TTLL1: variants seen among roughly 807,000 people sequenced by gnomAD.
TTLL1 encodes polyglutamylase complex subunit TTLL1.
A neutral mutation model predicts 47.8 loss-of-function variants in TTLL1; 33 were observed. The observed-to-expected ratio is 0.69, with a 90% confidence interval of 0.52 to 0.92. The LOEUF is 0.92. Ranked by LOEUF, TTLL1 falls within the 40% of genes least tolerant of loss-of-function variation. The pLI is 0.00. For synonymous variants in TTLL1, 225 were observed against 214.1 expected, an observed-to-expected ratio of 1.05 and a Z score of -0.45; for missense variants, 488 against 547.5, an observed-to-expected ratio of 0.89 and a Z score of 1.08.
chr22:43,084,962 C>CTTTTTTT lies in TTLL1; in HGVS notation c.-90+4308_-90+4314dup, dbSNP rs148980685. Among the ~76,000 whole-genome samples the CTTTTTTT allele has an allele frequency of 1.1e-3, 128 of 112,736 alleles. 4 individuals carry two copies. The South Asian group carries it at 0.019, about 17-fold the overall frequency. 74.0% of individuals were successfully genotyped at this position (112,736 alleles called of 152,430 possible). A position where few individuals can be genotyped will look rare whatever the true frequency, so the allele number is the denominator to read the frequency against. On this transcript the variant is annotated intron_variant, in intron 1 of 10. Transcript: ENST00000266254. The stretch of plus-strand genomic sequence containing the variant: ...CATCATTAAGAACAAAAGCTGCCAC[C>CTTTTTTT]TTTTTTTTTTTTTTTTTTTTTTTGA...
intron 9 of TTLL1, 21 bp from the exon 10 acceptor site, chr22:43,046,594 GT>G: frequency 6.2e-7 from 1 of 1,609,712 alleles, no homozygotes; most frequent in Non-Finnish European, 8.5e-7. Context: ...AAAGACCCAT[GT>G]TCCTCACCTG....
At chr22:43,068,059 C>T (rs1331418759) in intron 5 of TTLL1, among the ~76,000 whole-genome samples, 1 of 149,602 alleles carries the variant, frequency 6.7e-6, no homozygotes. Flanking sequence ...CATGATCCAC[C>T]CACCTCGGCC....
At chr22:43,069,943 TCAC>T (rs998162107) in intron 3 of TTLL1, 99 bp from the exon 4 acceptor site, 46 of 1,490,654 alleles carry the variant, frequency 3.1e-5, no homozygotes, top group Non-Finnish European at 3.8e-5. Flanking sequence ...TCAGCACCCT[TCAC>T]CACTACTCCC....
Position 43,059,457 on chromosome 22 carries a change from CG to C in TTLL1, c.817del (p.Arg273AlafsTer5). ...CAGCTTGCTGGTCACCTCCTTGCCG[CG>C]GGTGCTCTCCAGGTAGAGCCGCAGG... Reference protein sequence around the residue: ...SNLRLYLESTRGKEVTSKLFD... With the variant: ...SNLRLYLESTXGKEVTSKLFD... On this transcript the variant is annotated frameshift_variant, in exon 8 of 11. Coordinates refer to ENST00000266254, the MANE Select transcript of TTLL1 (RefSeq NM_012263.5). LOFTEE classifies it high-confidence loss of function. The C allele has an allele frequency of 6.2e-7, 1 of 1,614,062 alleles. No homozygotes were observed.
At chr22:43,077,338 G>T (rs1244240520) in intron 2 of TTLL1, among the ~76,000 whole-genome samples, 1 of 152,064 alleles carries the variant, frequency 6.6e-6, no homozygotes, top group Non-Finnish European at 1.5e-5. Flanking sequence ...CTCGATCTCT[G>T]CCTGGCTAAG....
chr22:43,069,051 G>T (rs1050120081), intron 4 of TTLL1, among the ~76,000 whole-genome samples: 1 of 151,824 alleles, frequency 6.6e-6, no homozygotes, highest in African/African-American at 2.4e-5. Flanking sequence ...ATTTCCCCAG[G>T]CTGAGCGCTG....
At chr22:43,087,137 C>T (rs1280043426) in intron 1 of TTLL1, among the ~76,000 whole-genome samples, 1 of 152,220 alleles carries the variant, frequency 6.6e-6, no homozygotes, top group Non-Finnish European at 1.5e-5. Flanking sequence ...CCCAACCACT[C>T]AATCTCAATC....
chr22:43,039,848 C>G lies in TTLL1; in HGVS notation c.1200G>C (p.Gln400His). ...DGADRELRSRQGQSLGPRAGR... is the reference protein window; with the variant it reads ...DGADRELRSRHGQSLGPRAGR... ...CTGCTCTGGGCCCCAGAGACTGACC[C>G]TGACGGCTTCTCAGCTCCCGGTCAG... Residue 400 changes from glutamine (Q) to histidine (H), a missense_variant, in exon 11 of 11, where the codon CAG becomes CAC. By Grantham distance (24) the Gln-to-His change is conservative. Coordinates refer to ENST00000266254, the MANE Select transcript of TTLL1 (RefSeq NM_012263.5). 1.2e-6 allele frequency: 2 copies of G among 1,614,058 alleles called. No individual in the cohort carries two copies. Among genetic ancestry groups the G allele is most frequent in the Non-Finnish European group, 1.7e-6 (2 of 1,180,026 alleles).
intron 2 of TTLL1, among the ~76,000 whole-genome samples, chr22:43,079,146 A>G (rs1928707954): frequency 8.3e-6 from 1 of 120,278 alleles, no homozygotes; most frequent in Non-Finnish European, 1.8e-5. Flanking sequence ...GCCGCACCCC[A>G]GAGCGTGAGC....
chr22:43,064,059 T>G, intron 6 of TTLL1, 131 bp downstream of exon 6: 1 of 1,493,630 alleles, frequency 6.7e-7, no homozygotes, highest in Non-Finnish European at 9.1e-7. Flanking sequence ...TGCTCTTACT[T>G]CCCTCAATCC....
intron 7 of TTLL1, among the ~76,000 whole-genome samples, chr22:43,060,654 C>G (rs1226446147): frequency 6.6e-6 from 1 of 152,166 alleles, no homozygotes; most frequent in Admixed American, 6.6e-5. Context: ...GGCTGGGCCT[C>G]CAGCCCAAAT....
At chr22:43,084,949 C>T (rs980237318) in intron 1 of TTLL1, among the ~76,000 whole-genome samples, 16 of 139,812 alleles carry the variant, frequency 1.1e-4, no homozygotes, top group African/African-American at 3.9e-4. Flanking sequence ...TCATTAAGAA[C>T]AAAAGCTGCC....
intron 4 of TTLL1, among the ~76,000 whole-genome samples, chr22:43,069,083 A>G (rs960150729): frequency 6.6e-6 from 1 of 151,956 alleles, no homozygotes; most frequent in African/African-American, 2.4e-5. Context: ...TGGCTTACAC[A>G]AAGTCCATGC....
intron 3 of TTLL1, among the ~76,000 whole-genome samples, chr22:43,074,894 T>C (rs139633546): frequency 3.4e-3 from 516 of 150,842 alleles, no homozygotes; most frequent in African/African-American, 0.012. Flanking sequence ...GAAAAAAATG[T>C]GGCCAGGCGC....
chr22:43,067,276 C>T (rs761981320), intron 5 of TTLL1, among the ~76,000 whole-genome samples: 8 of 152,244 alleles, frequency 5.3e-5, no homozygotes, highest in Admixed American at 1.3e-4. Context: ...TGTGTTAACT[C>T]GTTCCATCCC....
chr22:43,054,494 G>C (rs1041290721), intron 8 of TTLL1, among the ~76,000 whole-genome samples: 1 of 149,806 alleles, frequency 6.7e-6, no homozygotes, highest in Non-Finnish European at 1.5e-5. Flanking sequence ...GCACGGTCTC[G>C]GCTGACTGCA....
At chr22:43,079,687 G>A (rs916468450) in intron 2 of TTLL1, among the ~76,000 whole-genome samples, 1 of 152,210 alleles carries the variant, frequency 6.6e-6, no homozygotes, top group African/African-American at 2.4e-5. Flanking sequence ...GGCTGTGCGC[G>A]ATTCTCACAC....
chr22:43,064,064 C>T (rs929298195), intron 6 of TTLL1, 126 bp downstream of exon 6: 2 of 1,508,196 alleles, frequency 1.3e-6, no homozygotes, highest in Admixed American at 3.8e-5. Context: ...TTACTTCCCT[C>T]AATCCCTGCC....
intron 3 of TTLL1, among the ~76,000 whole-genome samples, chr22:43,074,219 G>C (rs1460656817): frequency 6.6e-6 from 1 of 151,434 alleles, no homozygotes; most frequent in Non-Finnish European, 1.5e-5. Flanking sequence ...CTGAGGTCGG[G>C]AGTTCGAGAC....
Sources: allele counts gnomAD v4.1 joint callset (sites outside exome capture counted in the v4.1 genomes callset), GRCh38; gene constraint gnomAD v4.1.1; transcripts MANE v1.5; gene names NCBI Gene and HGNC (gene_info 2026-07-23, HGNC 2026-07-21).